REN: variants seen among roughly 807,000 people sequenced by gnomAD.
REN encodes the protein renin.
REN carries 42 observed loss-of-function variants against 48.6 expected under a neutral mutation model. That is an observed-to-expected ratio of 0.86 (90% confidence interval 0.68 to 1.12). The LOEUF (loss-of-function observed/expected upper bound fraction) is 1.12, where lower values mean the gene tolerates loss of function less well. Among genes scored for constraint, REN ranks in the 50% most tolerant of loss-of-function variants. The pLI is 0.00. For missense variants in REN, 443 were observed against 527.3 expected (o/e 0.84, Z 1.57); for synonymous variants, 196 against 204.6 (o/e 0.96, Z 0.36).
chr1:204,160,127 G>A (rs1658216841), intron 4 of REN, among the ~76,000 whole-genome samples: 1 of 152,204 alleles, frequency 6.6e-6, no homozygotes, highest in African/African-American at 2.4e-5. Flanking sequence ...TGGGCCACAT[G>A]GAAAAGAAAA....
In REN at chr1:204,162,081, T is replaced by C. The variant is rs1658256884; in HGVS notation, c.181A>G (p.Ser61Gly). 1 of 1,614,042 alleles carries C rather than the reference T, an allele frequency of 6.2e-7. No individual in the cohort carries two copies. The highest frequency in any genetic ancestry group is 1.3e-5 in the African/African-American group (1 of 74,998). Residue 61 changes from serine to glycine, a missense_variant, in exon 2 of 10, where the codon AGC becomes GGC. Transcript: ENST00000272190. ...AGTGTCAGCCTCTTCATGGGTTGGC[T>C]CCACTCGGGACCAAGCCTGGCCATG... is the stretch of plus-strand genomic sequence containing the variant. ...VDMARLGPEW[S>G]QPMKRLTLGN...
chr1:204,165,316 C>G (rs1192597001), intron 1 of REN, among the ~76,000 whole-genome samples: 6 of 152,148 alleles, frequency 3.9e-5, no homozygotes, highest in African/African-American at 1.4e-4. Context: ...GTAGTACTAA[C>G]AGTAGCTGGG....
intron 1 of REN, among the ~76,000 whole-genome samples, chr1:204,163,326 A>G (rs1658283335): frequency 6.6e-6 from 1 of 152,216 alleles, no homozygotes; most frequent in South Asian, 2.1e-4. Context: ...TTTTATGCCT[A>G]TCAGCATGGT....
rs906111932 is a variant in REN, at chr1:204,155,189, G to C, written c.1060-12C>G. The C allele has an allele frequency of 8.1e-6, 13 of 1,613,902 alleles. No individual in the cohort carries two copies. Among genetic ancestry groups the C allele is most frequent in the Non-Finnish European group, 1.1e-5 (13 of 1,179,890 alleles). On this transcript the variant is annotated splice_polypyrimidine_tract_variant and intron_variant, in intron 9 of 9. Coordinates refer to ENST00000272190, the MANE Select transcript of REN (RefSeq NM_000537.4). The stretch of plus-strand genomic sequence containing the variant: ...CTACTGTAGGATTCCTGGCAGGAAG[G>C]GGGAGAGTTTCTCCATACCCAGCAC...
intron 1 of REN, 26 bp from the exon 2 acceptor site, chr1:204,162,189 A>C (rs1434765703): frequency 6.2e-7 from 1 of 1,613,462 alleles, no homozygotes; most frequent in Non-Finnish European, 8.5e-7. Context: ...GGAAGCAAAA[A>C]TAGAAAAGTG....
intron 4 of REN, 96 bp from the exon 5 acceptor site, chr1:204,159,691 A>G: frequency 1.9e-6 from 2 of 1,036,988 alleles, no homozygotes; most frequent in Non-Finnish European, 3.0e-6. Context: ...AGGGGCACAC[A>G]TGCTCCAGGG....
At chr1:204,157,836 T>C (rs762886542) in intron 5 of REN, among the ~76,000 whole-genome samples, 4 of 152,226 alleles carry the variant, frequency 2.6e-5, no homozygotes, top group Non-Finnish European at 5.9e-5. Flanking sequence ...AACACTTCAG[T>C]ATCTCTCTGG....
At chr1:204,163,265 C>G (rs984693628) in intron 1 of REN, among the ~76,000 whole-genome samples, 1 of 152,186 alleles carries the variant, frequency 6.6e-6, no homozygotes, top group African/African-American at 2.4e-5. Context: ...ATCCTTCTTG[C>G]GTCCCATGCA....
intron 1 of REN, among the ~76,000 whole-genome samples, chr1:204,162,659 C>T (rs1483404577): frequency 6.6e-6 from 1 of 152,158 alleles, no homozygotes; most frequent in Non-Finnish European, 1.5e-5. Context: ...GAGACAGTGC[C>T]ATGGGAGGCC....
rs3215332 is a variant in REN at position 204,155,242 on chromosome 1, AC to A, written c.1060-66del. 325,895 of 1,568,114 alleles carry A rather than the reference AC, an allele frequency of 0.21. 34,508 individuals carry two copies. The highest frequency in any genetic ancestry group is 0.31 in the Middle Eastern group (1,834 of 5,884). ...GAGCATTCTCCTTTCACCTTGCCTG[AC>A]CCCCAGCAACTGTCTTCAGCAACAT... On this transcript the variant is annotated intron_variant, in intron 9 of 9. Coordinates refer to ENST00000272190, the MANE Select transcript of REN (RefSeq NM_000537.4).
At position 204,160,651 on chromosome 1, in the gene REN, T is replaced by C; in HGVS notation, c.401A>G (p.Asp134Gly). The C allele has an allele frequency of 1.9e-6, 3 of 1,614,080 alleles. No individual in the cohort carries two copies. The highest frequency in any genetic ancestry group is 2.5e-6 in the Non-Finnish European group (3 of 1,179,950). The change falls in exon 4 of 10, where the codon GAT becomes GGT. Residue 134 changes from aspartate (D) to glycine (G), a missense_variant. Coordinates refer to ENST00000272190, the MANE Select transcript of REN (RefSeq NM_000537.4). ...CVYHKLFDASDSSSYKHNGTE... is the reference protein window; with the variant it reads ...CVYHKLFDASGSSSYKHNGTE... Reference sequence around the variant, plus strand: ...TCCATTGTGCTTGTAGCTGGAGGAATCCGAAGCATCGAAGAGCTTGTGATA... The same window carrying C: ...TCCATTGTGCTTGTAGCTGGAGGAACCCGAAGCATCGAAGAGCTTGTGATA...
Position 204,162,112 on chromosome 1 carries a change from A to G in REN, c.150T>C (p.Gly50=). 1 of 1,613,966 alleles carries G rather than the reference A, an allele frequency of 6.2e-7. No homozygotes were observed. Among genetic ancestry groups the G allele is most frequent in the Non-Finnish European group, 8.5e-7 (1 of 1,179,990 alleles). The change falls in exon 2 of 10, where the codon GGT becomes GGC. Residue 50 remains glycine (G), a synonymous_variant. Coordinates refer to ENST00000272190, the MANE Select transcript of REN (RefSeq NM_000537.4). ...CGGGACCAAGCCTGGCCATGTCCAC[A>G]CCTCGTTCCTTCAGGCTTTCTCGGA... The part of the protein sequence containing the change: ...PSIRESLKER[G]VDMARLGPEW...
chr1:204,166,269 G>A lies in REN; in HGVS notation c.25C>T (p.Arg9Cys), dbSNP rs115181548. Residue 9 changes from arginine to cysteine, a missense_variant, in exon 1 of 10, where the codon CGC (arginine) becomes TGC (cysteine). Physicochemically the swap from Arg to Cys is radical, Grantham distance 180. Transcript: ENST00000272190. ...CAGAGCAGCAGCAGCAGTCCCCAGC[G>A]AGGCATCCTTCTCCATCCATCCATG... Reference protein sequence around the residue: MDGWRRMPRWGLLLLLWGS... With the variant: MDGWRRMPCWGLLLLLWGS... The A allele has an allele frequency of 8.7e-6, 14 of 1,614,210 alleles. No individual in the cohort carries two copies. The Admixed American group carries it at 1.2e-4, about 13-fold the overall frequency.
At chr1:204,162,737 C>T (rs1658270543) in intron 1 of REN, among the ~76,000 whole-genome samples, 1 of 152,224 alleles carries the variant, frequency 6.6e-6, no homozygotes, top group South Asian at 2.1e-4. Flanking sequence ...GGCACCCAGC[C>T]AGGGCTGTGG....
chr1:204,162,171 A>G lies in REN; in HGVS notation c.99-8T>C, dbSNP rs1474880787. The G allele has an allele frequency of 6.2e-7, 1 of 1,613,916 alleles. No individual in the cohort carries two copies. The highest frequency in any genetic ancestry group is 8.5e-7 in the Non-Finnish European group (1 of 1,179,986). ...ATTCTCTTGAGGAAGATCCTGGCCC[A>G]GGGTGGAGGAAGCAAAAATAGAAAA... On this transcript the variant is annotated splice_region_variant and splice_polypyrimidine_tract_variant and intron_variant, in intron 1 of 9. Coordinates refer to ENST00000272190, the MANE Select transcript of REN (RefSeq NM_000537.4).
chr1:204,163,314 A>G (rs1658282702), intron 1 of REN, among the ~76,000 whole-genome samples: 1 of 152,204 alleles, frequency 6.6e-6, no homozygotes, highest in African/African-American at 2.4e-5. Context: ...CATGAATGCA[A>G]CTTTTATGCC....
chr1:204,164,916 A>G (rs1208813236), intron 1 of REN, among the ~76,000 whole-genome samples: 1 of 151,664 alleles, frequency 6.6e-6, no homozygotes, highest in Non-Finnish European at 1.5e-5. Flanking sequence ...CCTGGCACCT[A>G]GGGGATGCTA....
intron 2 of REN, 84 bp from the exon 3 acceptor site, chr1:204,161,499 G>A: frequency 7.6e-7 from 1 of 1,317,138 alleles, no homozygotes; most frequent in East Asian, 2.7e-5. Flanking sequence ...TTGGCTCTCG[G>A]TGTGAGACTT....
chr1:204,163,005 C>T (rs995912993), intron 1 of REN, among the ~76,000 whole-genome samples: 3 of 152,194 alleles, frequency 2.0e-5, no homozygotes, highest in African/African-American at 7.2e-5. Context: ...AAAGGTGACT[C>T]AGAAATGTTG....
Sources: gnomAD v4.1 joint callset for allele counts (sites outside exome capture counted in the v4.1 genomes callset) on GRCh38, gnomAD v4.1.1 for gene constraint, MANE v1.5 for transcripts, NCBI Gene and HGNC (gene_info 2026-07-23, HGNC 2026-07-21) for gene names.